Variants in TNRC6B observed in about 807,000 individuals in gnomAD.
TNRC6B encodes trinucleotide repeat containing adaptor 6B, also known as trinucleotide repeat-containing gene 6B protein.
In TNRC6B, 52 loss-of-function variants were observed where a neutral mutation model predicts 203.6. The observed-to-expected ratio is 0.26, with a 90% CI of 0.20 to 0.32. The LOEUF (loss-of-function observed/expected upper bound fraction) is 0.32, where lower values mean the gene tolerates loss of function less well. Among genes scored for constraint, TNRC6B ranks in the 10% least tolerant of loss-of-function variants. The pLI, the probability that TNRC6B is intolerant of heterozygous loss-of-function variation, is 1.00. For synonymous variants in TNRC6B, 838 were observed against 845.7 expected, an observed-to-expected ratio of 0.99 and a Z score of 0.16; for missense variants, 1,923 against 2,286.2, an observed-to-expected ratio of 0.84 and a Z score of 3.24.
In TNRC6B at chr22:40,328,489, C is replaced by T. The variant is rs981883284; in HGVS notation, c.*5248C>T. ...ATATATCTCGCAGAAACTAGAAGCTCATAGGCTGTTAACTTTTTGCAACTA... is the reference window on the plus strand; with the variant it reads ...ATATATCTCGCAGAAACTAGAAGCTTATAGGCTGTTAACTTTTTGCAACTA... On this transcript the variant is annotated 3_prime_UTR_variant, in exon 23 of 23. Coordinates refer to ENST00000454349, the MANE Select transcript of TNRC6B (RefSeq NM_001162501.2). 6.6e-6 allele frequency: 1 copy of T among 152,090 alleles called. No homozygotes were observed. The highest frequency in any genetic ancestry group is 1.5e-5 in the Non-Finnish European group (1 of 68,020). The allele number at this position is 152,090 out of a possible 1,614,324, so 9.4% of individuals were successfully genotyped here.
intron 1 of TNRC6B, among the ~76,000 whole-genome samples, chr22:40,055,225 T>C (rs528683471): frequency 6.6e-6 from 1 of 152,276 alleles, no homozygotes; most frequent in South Asian, 2.1e-4. Context: ...GAGTGCCATT[T>C]AGTGTAATAA....
chr22:40,261,832 TGC>T lies in TNRC6B; in HGVS notation c.117_118del (p.Pro40ArgfsTer107). Reference sequence around the variant, plus strand: ...CTGTTTCCCAACCCCTCTCTTTTAGTGCCCGAAGTGACGAAACCAAGTTTAAG... The same window carrying T: ...CTGTTTCCCAACCCCTCTCTTTTAGTCCGAAGTGACGAAACCAAGTTTAAG... On this transcript the variant is annotated frameshift_variant and splice_region_variant, in exon 4 of 23. Transcript: ENST00000454349. LOFTEE classifies it high-confidence loss of function. The T allele has an allele frequency of 6.4e-7, 1 of 1,563,840 alleles. No homozygotes were observed. The highest frequency in any genetic ancestry group is 8.8e-7 in the Non-Finnish European group (1 of 1,141,746).
chr22:40,067,717 T>G (rs1056788682), intron 1 of TNRC6B, among the ~76,000 whole-genome samples: 1 of 152,072 alleles, frequency 6.6e-6, no homozygotes, highest in African/African-American at 2.4e-5. Flanking sequence ...GGGAATCCCA[T>G]CCTGGAAGAG....
chr22:40,139,929 A>G (rs964068338), intron 3 of TNRC6B, among the ~76,000 whole-genome samples: 14 of 152,098 alleles, frequency 9.2e-5, no homozygotes, highest in Admixed American at 7.9e-4. Context: ...ATCATCACCA[A>G]TACTTGTTAT....
chr22:40,160,659 G>A (rs1382905328), intron 4 of TNRC6B, among the ~76,000 whole-genome samples: 1 of 152,010 alleles, frequency 6.6e-6, no homozygotes, highest in Non-Finnish European at 1.5e-5. Flanking sequence ...CAAACTCCAG[G>A]GCACCAGCAA....
intron 21 of TNRC6B, among the ~76,000 whole-genome samples, chr22:40,317,558 C>G (rs577407734): frequency 5.3e-5 from 8 of 152,262 alleles, no homozygotes; most frequent in East Asian, 1.9e-4. Context: ...AGCCTGGCGA[C>G]AGAGCGAGAC....
intron 1 of TNRC6B, among the ~76,000 whole-genome samples, chr22:40,219,977 T>C (rs147804999): frequency 6.6e-5 from 10 of 152,258 alleles, no homozygotes; most frequent in Admixed American, 6.5e-4. Flanking sequence ...AATGAACGCA[T>C]GGGGGAAAAA....
At chr22:40,084,672 G>A (rs1412826684) in intron 1 of TNRC6B, among the ~76,000 whole-genome samples, 1 of 152,154 alleles carries the variant, frequency 6.6e-6, no homozygotes, top group Non-Finnish European at 1.5e-5. Flanking sequence ...GTCTGAGGGA[G>A]CAGTTAATAT....
chr22:40,125,730 C>T, intron 2 of TNRC6B: 1 of 1,488,626 alleles, frequency 6.7e-7, no homozygotes, highest in East Asian at 2.4e-5. Context: ...AATTTTTTTG[C>T]CCTGAATTCC....
intron 2 of TNRC6B, among the ~76,000 whole-genome samples, chr22:40,117,322 G>A (rs1009461463): frequency 1.3e-5 from 2 of 152,146 alleles, no homozygotes; most frequent in African/African-American, 4.8e-5. Context: ...TATTTAGATG[G>A]ATACTGACAT....
intron 3 of TNRC6B, among the ~76,000 whole-genome samples, chr22:40,148,015 A>G (rs997698401): frequency 1.3e-5 from 2 of 152,170 alleles, no homozygotes; most frequent in Non-Finnish European, 2.9e-5. Context: ...TGTACTTTAA[A>G]CAGGTGAACT....
upstream of TNRC6B, among the ~76,000 whole-genome samples, chr22:40,175,176 G>A (rs1478829806): frequency 1.3e-5 from 2 of 151,528 alleles, no homozygotes; most frequent in Admixed American, 6.6e-5. Context: ...GGCCAACATG[G>A]TGAAACCCTG....
chr22:40,100,743 G>T (rs2068232381), intron 1 of TNRC6B, among the ~76,000 whole-genome samples: 1 of 152,162 alleles, frequency 6.6e-6, no homozygotes, highest in African/African-American at 2.4e-5. Context: ...TACACCAAAG[G>T]TCTGGAACCA....
intron 3 of TNRC6B, among the ~76,000 whole-genome samples, chr22:40,136,748 C>T (rs2068603280): frequency 2.0e-5 from 3 of 151,948 alleles, no homozygotes; most frequent in African/African-American, 4.8e-5. Context: ...TAAAAGTAAG[C>T]TCTAGGGTTT....
At chr22:40,263,771 A>G (rs1024488342) in intron 4 of TNRC6B, among the ~76,000 whole-genome samples, 4 of 152,190 alleles carry the variant, frequency 2.6e-5, no homozygotes, top group African/African-American at 9.6e-5. Context: ...TGCCTAATTC[A>G]TACTCATGTG....
At chr22:40,154,860 A>AAAAAT (rs1555885936) in intron 3 of TNRC6B, among the ~76,000 whole-genome samples, 8 of 23,590 alleles carry the variant, frequency 3.4e-4, no homozygotes, top group East Asian at 9.7e-4. Context: ...AAAAAAAAAA[A>AAAAAT]ATATATATAT....
At chr22:40,158,523 T>C (rs6001808) in intron 4 of TNRC6B, among the ~76,000 whole-genome samples, 103,168 of 152,024 alleles carry the variant, frequency 0.68, 36,770 homozygotes, top group African/African-American at 0.9. Flanking sequence ...CTAGTAACCC[T>C]TATCCTGAAT....
chr22:40,132,943 C>CAAAAATAAAAAATAAA lies in TNRC6B; in HGVS notation c.45+7086_45+7087insTAAAAAATAAAAAAAA, dbSNP rs1292227314. ...TGGGGGACAGAGCAAGACTCTGTCT[C>CAAAAATAAAAAATAAA]AAAAAAAAAAAAAAAAAAAAAAAAA... On this transcript the variant is annotated intron_variant, in intron 3 of 23. Transcript: ENST00000301923. Among the ~76,000 whole-genome samples the CAAAAATAAAAAATAAA allele has an allele frequency of 1.5e-3, 37 of 23,872 alleles. 2 individuals carry two copies. The highest frequency in any genetic ancestry group is 4.7e-3 in the Admixed American group (6 of 1,264). The allele number at this position is 23,872 out of a possible 152,430, so 15.7% of individuals were successfully genotyped here.
At chr22:40,106,452 T>C (rs2068284282) in intron 1 of TNRC6B, 1 of 804,236 alleles carries the variant, frequency 1.2e-6, no homozygotes, top group African/African-American at 1.7e-5. Flanking sequence ...CAGGAAGTTA[T>C]TTGCTTCTTT....
Sources: allele counts gnomAD v4.1 joint callset (sites outside exome capture counted in the v4.1 genomes callset), GRCh38; gene constraint gnomAD v4.1.1; transcripts MANE v1.5; gene names NCBI Gene and HGNC (gene_info 2026-07-23, HGNC 2026-07-21).